RASEF: variants seen among roughly 807,000 people sequenced by gnomAD.
RASEF encodes the protein RAS and EF-hand domain containing.
In RASEF, 68 loss-of-function variants were observed where a neutral mutation model predicts 90.1. The observed-to-expected ratio is 0.75, with a 90% CI of 0.62 to 0.92. The LOEUF is 0.92. Ranked by LOEUF, RASEF falls within the 40% of genes least tolerant of loss-of-function variation. The pLI is 0.00. For missense variants in RASEF, 949 were observed against 937.2 expected (o/e 1.01, Z -0.16); for synonymous variants, 331 against 345.2 (o/e 0.96, Z 0.46).
chr9:83,017,199 A>T (rs1487237780), intron 3 of RASEF, among the ~76,000 whole-genome samples: 1 of 151,894 alleles, frequency 6.6e-6, no homozygotes, highest in African/African-American at 2.4e-5. Context: ...GAAATACTTT[A>T]TCCAGGCCAG....
chr9:83,012,079 GA>G lies in RASEF; in HGVS notation c.843+354del, dbSNP rs568786747. Among the ~76,000 whole-genome samples the G allele has an allele frequency of 7.6e-3, 1,071 of 141,174 alleles. 15 individuals carry two copies. Among genetic ancestry groups the G allele is most frequent in the African/African-American group, 0.025 (974 of 38,622 alleles). The allele number at this position is 141,174 out of a possible 152,430, so 92.6% of individuals were successfully genotyped here. A position where few individuals can be genotyped will look rare whatever the true frequency, so the allele number is the denominator to read the frequency against. On this transcript the variant is annotated intron_variant, in intron 5 of 16. Transcript: ENST00000376447. ...GCTGGCGTAAGATGGAAAAGCGACA[GA>G]AAAAAAAAAAACTTGGAGGAAGGGG...
chr9:83,199,000 T>G, the RASEF span, among the ~76,000 whole-genome samples: 10 of 152,204 alleles, frequency 6.6e-5, no homozygotes, highest in African/African-American at 2.2e-4. Context: ...CAAATAACTA[T>G]GCAAAGCAAT....
At chr9:83,089,917 G>C in the RASEF span, among the ~76,000 whole-genome samples, 1 of 151,468 alleles carries the variant, frequency 6.6e-6, no homozygotes, top group South Asian at 2.1e-4. Context: ...TAGATAGATA[G>C]ATAGATAGAT....
At chr9:83,208,775 A>T in the RASEF span, among the ~76,000 whole-genome samples, 1 of 152,176 alleles carries the variant, frequency 6.6e-6, no homozygotes, top group African/African-American at 2.4e-5. Flanking sequence ...CTGGGAGCTT[A>T]AAGGGAAGCT....
chr9:83,162,197 A>C, the RASEF span, among the ~76,000 whole-genome samples: 1 of 152,210 alleles, frequency 6.6e-6, no homozygotes, highest in Admixed American at 6.5e-5. Flanking sequence ...AACATAGTAT[A>C]ATATATTCAA....
the RASEF span, among the ~76,000 whole-genome samples, chr9:83,168,765 T>C: frequency 6.6e-6 from 1 of 152,080 alleles, no homozygotes; most frequent in Non-Finnish European, 1.5e-5. Flanking sequence ...CAATGAGATA[T>C]CACCTCACCC....
the RASEF span, among the ~76,000 whole-genome samples, chr9:83,180,043 T>TTCAC: frequency 6.6e-6 from 1 of 152,034 alleles, no homozygotes; most frequent in Admixed American, 6.6e-5. Context: ...AGAGAGTGCA[T>TTCAC]TCATTCTAGA....
chr9:83,187,260 G>A, the RASEF span, among the ~76,000 whole-genome samples: 259 of 152,200 alleles, frequency 1.7e-3, 1 homozygote, highest in African/African-American at 5.9e-3. Context: ...TTGTCTCTAA[G>A]GGCAAGTGAG....
chr9:83,140,908 C>G, the RASEF span, among the ~76,000 whole-genome samples: 1 of 151,898 alleles, frequency 6.6e-6, no homozygotes, highest in African/African-American at 2.4e-5. Context: ...TTTGGGAGAC[C>G]AAGGCCGACA....
At chr9:83,040,848 TTTTTA>T (rs1353583406) in intron 1 of RASEF, among the ~76,000 whole-genome samples, 8 of 152,138 alleles carry the variant, frequency 5.3e-5, no homozygotes, top group East Asian at 1.9e-4. Flanking sequence ...TGCTTTGGCC[TTTTTA>T]TTTTATTTTA....
chr9:83,100,385 T>A, the RASEF span, among the ~76,000 whole-genome samples: 1 of 152,360 alleles, frequency 6.6e-6, no homozygotes, highest in East Asian at 1.9e-4. Flanking sequence ...TTCATTCAGC[T>A]GCTTACATCA....
At chr9:83,098,445 C>T in the RASEF span, among the ~76,000 whole-genome samples, 1 of 152,190 alleles carries the variant, frequency 6.6e-6, no homozygotes, top group East Asian at 1.9e-4. Context: ...CTACTGTTTA[C>T]TATGTTTATA....
At chr9:83,052,941 G>T (rs1477409563) in intron 1 of RASEF, among the ~76,000 whole-genome samples, 1 of 145,720 alleles carries the variant, frequency 6.9e-6, no homozygotes, top group East Asian at 2.0e-4. Context: ...TTTTACATTT[G>T]CTGAGGAGAG....
chr9:83,142,592 A>G, the RASEF span, among the ~76,000 whole-genome samples: 1 of 152,238 alleles, frequency 6.6e-6, no homozygotes, highest in Non-Finnish European at 1.5e-5. Flanking sequence ...CAGAGTCAGC[A>G]TTTCTGGGTT....
the RASEF span, among the ~76,000 whole-genome samples, chr9:83,070,197 A>G: frequency 6.6e-6 from 1 of 152,142 alleles, no homozygotes; most frequent in Non-Finnish European, 1.5e-5. Flanking sequence ...CCCATCTAAG[A>G]AGCATCTGTC....
the RASEF span, among the ~76,000 whole-genome samples, chr9:83,188,531 G>C: frequency 1.3e-5 from 2 of 152,226 alleles, no homozygotes; most frequent in Non-Finnish European, 2.9e-5. Context: ...GCCACTGTGA[G>C]AAATCGGCAT....
the RASEF span, among the ~76,000 whole-genome samples, chr9:83,117,050 A>T: frequency 6.6e-6 from 1 of 152,242 alleles, no homozygotes; most frequent in Non-Finnish European, 1.5e-5. Flanking sequence ...CATAAAAATT[A>T]TAAGGAAGAG....
Position 82,998,388 on chromosome 9 carries a change from G to A in RASEF, c.1782C>T (p.Leu594=), listed in dbSNP as rs1159913248. 6.2e-7 allele frequency: 1 copy of A among 1,613,014 alleles called. No homozygotes were observed. The highest frequency in any genetic ancestry group is 8.5e-7 in the Non-Finnish European group (1 of 1,179,028). The change falls in exon 13 of 17, where the codon CTC becomes CTT. Residue 594 remains leucine, a synonymous_variant. Coordinates refer to ENST00000376447, the MANE Select transcript of RASEF (RefSeq NM_152573.4). Reference sequence around the variant, plus strand: ...GCCTCTCCTGACCAGCTGTATCCCAGAGCTGCAGAACTGTTCGTTCTCCAT... The same window carrying A: ...GCCTCTCCTGACCAGCTGTATCCCAAAGCTGCAGAACTGTTCGTTCTCCAT... ...IVDGERTVLQ[L]WDTAGQERFR...
the RASEF span, among the ~76,000 whole-genome samples, chr9:83,089,593 T>C: frequency 1.3e-5 from 2 of 152,184 alleles, no homozygotes; most frequent in African/African-American, 4.8e-5. Flanking sequence ...ACTTTGAATA[T>C]GTCACCTTAC....
Sources: allele counts gnomAD v4.1 joint callset (sites outside exome capture counted in the v4.1 genomes callset), GRCh38; gene constraint gnomAD v4.1.1; transcripts MANE v1.5; gene names NCBI Gene and HGNC (gene_info 2026-07-23, HGNC 2026-07-21).